TERB1: variants seen among roughly 807,000 people sequenced by gnomAD.
TERB1 encodes the protein telomere repeats-binding bouquet formation protein 1.
Under a neutral mutation model 92.3 loss-of-function variants are expected in TERB1, and 63 were observed. The observed-to-expected ratio is 0.68, with a 90% CI of 0.56 to 0.84. TERB1 has a LOEUF of 0.84. Ranked by LOEUF, TERB1 falls within the 40% of genes least tolerant of loss-of-function variation. TERB1 has a pLI of 0.00. For missense variants in TERB1, 709 were observed against 843.7 expected (o/e 0.84, Z 1.98); for synonymous variants, 252 against 283.9 (o/e 0.89, Z 1.13).
At chr16:66,792,818 T>C (rs970871413) in intron 3 of TERB1, among the ~76,000 whole-genome samples, 2 of 152,146 alleles carry the variant, frequency 1.3e-5, no homozygotes, top group Non-Finnish European at 2.9e-5. Context: ...TGGCAAATTT[T>C]TGTATATCTA....
At position 66,778,369 on chromosome 16, in the gene TERB1, G is replaced by A. The variant is rs1236359728; in HGVS notation, c.853+494C>T. Among the ~76,000 whole-genome samples the A allele has an allele frequency of 2.0e-5, 3 of 152,046 alleles. No individual in the cohort carries two copies. In the East Asian group the frequency reaches 5.8e-4, roughly 29 times the overall value. On this transcript the variant is annotated intron_variant, in intron 10 of 18. Transcript: ENST00000433154. ...CCATCTTGGCCTTCCAAAGTGCTGG[G>A]ATTACAGGTGTGAGCCACCACACAC...
intron 17 of TERB1, 89 bp downstream of exon 17, chr16:66,759,052 T>C: frequency 8.5e-7 from 1 of 1,178,744 alleles, no homozygotes; most frequent in South Asian, 1.7e-5. Flanking sequence ...GATTATTTTA[T>C]CCTCTAGTTT....
chr16:66,784,748 ATTT>A (rs34949570), intron 9 of TERB1, among the ~76,000 whole-genome samples: 19 of 117,602 alleles, frequency 1.6e-4, no homozygotes, highest in African/African-American at 2.8e-4. Context: ...TTAATTTTTA[ATTT>A]TTTTTTTTTT....
chr16:66,786,150 G>A, intron 7 of TERB1, 21 bp from the exon 8 acceptor site: 1 of 1,537,540 alleles, frequency 6.5e-7, no homozygotes, highest in Non-Finnish European at 8.8e-7. Context: ...AAAAAGAAAA[G>A]AAAGTAAATT....
chr16:66,799,125 T>C (rs1959217606), intron 2 of TERB1, among the ~76,000 whole-genome samples: 1 of 152,250 alleles, frequency 6.6e-6, no homozygotes, highest in African/African-American at 2.4e-5. Context: ...TGTTATCATA[T>C]ATGGATGTTT....
Position 66,772,679 on chromosome 16 carries a change from T to C in TERB1, c.1182A>G (p.Ile394Met). 1 of 1,549,390 alleles carries C rather than the reference T, an allele frequency of 6.5e-7. No homozygotes were observed. Among genetic ancestry groups the C allele is most frequent in the Non-Finnish European group, 8.7e-7 (1 of 1,144,972 alleles). The stretch of plus-strand genomic sequence containing the variant: ...CTTCAAGATTATTCTCCTTCACACT[T>C]ATGTCCTTTAATTGCTGTGTTTCAT... ...DENETQQLKD[I>M]SVKENNLEEH... The change falls in exon 13 of 19, where the codon ATA becomes ATG. Residue 394 changes from isoleucine (I) to methionine (M), a missense_variant. Ile to Met is a conservative substitution (Grantham distance 10). Transcript: ENST00000433154.
At chr16:66,798,838 C>T (rs551797722) in intron 2 of TERB1, among the ~76,000 whole-genome samples, 57 of 152,238 alleles carry the variant, frequency 3.7e-4, no homozygotes, top group African/African-American at 1.3e-3. Flanking sequence ...TTCTTTACAC[C>T]TTATGAATAT....
In TERB1 at chr16:66,788,793, T is replaced by C. The variant is rs564860008; in HGVS notation, c.272-496A>G. 1.1e-4 allele frequency among the ~76,000 whole-genome samples: 16 copies of C among 152,032 alleles called. No individual in the cohort carries two copies. The South Asian group carries it at 3.3e-3, about 32-fold the overall frequency. On this transcript the variant is annotated intron_variant, in intron 5 of 18. Coordinates refer to ENST00000433154, the MANE Select transcript of TERB1 (RefSeq NM_001136505.2). ...GTGTGTGATAACGCAACAAGCAGAA[T>C]TTTACAAAAATAATATAGACATAAA...
At chr16:66,801,811 G>C (rs1298113592), upstream of TERB1, among the ~76,000 whole-genome samples, 3 of 152,242 alleles carry the variant, frequency 2.0e-5, no homozygotes, top group African/African-American at 7.2e-5. Flanking sequence ...ACGAGCATTA[G>C]CCCCAAAATT....
chr16:66,780,338 T>C (rs1478724474), intron 9 of TERB1, among the ~76,000 whole-genome samples: 4 of 151,944 alleles, frequency 2.6e-5, no homozygotes, highest in Non-Finnish European at 2.9e-5. Flanking sequence ...GGCAGGAGGA[T>C]TGCTTGAATT....
intron 18 of TERB1, among the ~76,000 whole-genome samples, chr16:66,755,427 A>C (rs1406737647): frequency 6.6e-6 from 1 of 152,260 alleles, no homozygotes; most frequent in East Asian, 1.9e-4. Flanking sequence ...GTCAAGAAAC[A>C]AAAGTTTATA....
rs141898084 is a variant in TERB1, at chr16:66,775,182, A to C, written c.1047T>G (p.Thr349=). ...TGTTCAGTTCCTCATTCTGCGATTC[A>C]GTTAAGGCTTGAATCATGAGTGGAA... is the stretch of plus-strand genomic sequence containing the variant. ...NGLPLMIQAL[T]ESQNEELNKA... is the part of the protein sequence containing the mutation. Residue 349 remains threonine (T), a synonymous_variant, in exon 12 of 19, where the codon ACT becomes ACG. Transcript: ENST00000433154. 1.9e-6 allele frequency: 3 copies of C among 1,551,586 alleles called. No individual in the cohort carries two copies. The African/African-American group carries it at 4.1e-5, about 21-fold the overall frequency.
At chr16:66,785,730 A>G in intron 9 of TERB1, 56 bp downstream of exon 9, 1 of 1,437,404 alleles carries the variant, frequency 7.0e-7, no homozygotes. Context: ...AATCGTTTTT[A>G]TTATGCTTTG....
chr16:66,787,172 C>T (rs1034374337), intron 6 of TERB1, among the ~76,000 whole-genome samples: 1 of 152,100 alleles, frequency 6.6e-6, no homozygotes, highest in African/African-American at 2.4e-5. Flanking sequence ...GATCACAGCT[C>T]ATTGCAGCCT....
At chr16:66,786,204 A>G in intron 7 of TERB1, 21 bp downstream of exon 7, 1 of 1,541,088 alleles carries the variant, frequency 6.5e-7, no homozygotes, top group Non-Finnish European at 8.8e-7. Flanking sequence ...AATTAACAAA[A>G]AGAAATTTGT....
At chr16:66,785,682 C>T (rs535767303) in intron 9 of TERB1, 104 bp downstream of exon 9, 3 of 1,218,618 alleles carry the variant, frequency 2.5e-6, no homozygotes, top group Non-Finnish European at 3.3e-6. Flanking sequence ...CCAAAATAAC[C>T]CAAATTACAA....
At chr16:66,760,783 C>CAAAAAAAAAAA (rs57817560) in intron 16 of TERB1, among the ~76,000 whole-genome samples, 1 of 67,246 alleles carries the variant, frequency 1.5e-5, no homozygotes, top group African/African-American at 5.9e-5. Context: ...GACTCCATCT[C>CAAAAAAAAAAA]AAAAAAAAAA....
chr16:66,800,533 G>A (rs1283767187), intron 2 of TERB1, among the ~76,000 whole-genome samples: 1 of 131,088 alleles, frequency 7.6e-6, no homozygotes, highest in Non-Finnish European at 1.6e-5. Context: ...TGGGATTACA[G>A]GCGCCCACCA....
intron 9 of TERB1, among the ~76,000 whole-genome samples, chr16:66,780,756 G>A (rs914565565): frequency 2.6e-5 from 4 of 152,182 alleles, no homozygotes; most frequent in Admixed American, 6.5e-5. Context: ...GGGTAATGAC[G>A]TCCTATAACT....
Sources: allele counts gnomAD v4.1 joint callset (sites outside exome capture counted in the v4.1 genomes callset), GRCh38; gene constraint gnomAD v4.1.1; transcripts MANE v1.5; gene names NCBI Gene and HGNC (gene_info 2026-07-23, HGNC 2026-07-21).